Variants in ZRSR2 observed in about 807,000 individuals in gnomAD.
The protein encoded by ZRSR2 is zinc finger CCCH-type, RNA binding motif and serine/arginine rich 2, also known as U2 small nuclear ribonucleoprotein auxiliary factor 35 kDa subunit-related protein 2.
ZRSR2 carries 3 observed loss-of-function variants against 39.4 expected under a neutral mutation model. The observed-to-expected ratio is 0.08, with a 90% confidence interval of 0.03 to 0.20. The LOEUF is 0.20. ZRSR2 is among the 10% of genes least tolerant of loss of function. The probability of loss-of-function intolerance (pLI) is 1.00; values close to 1 mark genes in which losing one functional copy is unlikely to be tolerated. For synonymous variants in ZRSR2, 137 were observed against 136.0 expected (o/e 1.01, Z -0.05); for missense variants, 256 against 391.5 (o/e 0.65, Z 2.92).
At chrX:15,815,994 A>G in intron 8 of ZRSR2, 104 bp downstream of exon 8, 1 of 626,477 alleles carries the variant, frequency 1.6e-6, no homozygotes, top group Non-Finnish European at 2.4e-6. Flanking sequence ...GCACGCTAGC[A>G]CTCTATAAAT....
chrX:15,803,553 C>G, intron 3 of ZRSR2, 135 bp from the exon 4 acceptor site: 1 of 847,558 alleles, frequency 1.2e-6, no homozygotes, highest in Non-Finnish European at 1.6e-6. Flanking sequence ...CTTACACCCA[C>G]TTGACTGCTT....
Position 15,799,885 on chromosome X carries a change from G to T in ZRSR2, c.135G>T (p.Lys45Asn). 1 of 1,196,278 alleles carries T rather than the reference G, an allele frequency of 8.4e-7. No individual in the cohort carries two copies. The highest frequency in any genetic ancestry group is 1.8e-5 in the South Asian group (1 of 55,435). ...TAAATTCCCTAGGACTCTCACAGAAGGAGGAAGAGGAGGACACTTTTATTG... is the reference window on the plus strand; with the variant it reads ...TAAATTCCCTAGGACTCTCACAGAATGAGGAAGAGGAGGACACTTTTATTG... ...ARLRDSGLSQ[K>N]EEEEDTFIEE... Residue 45 changes from lysine to asparagine, a missense_variant, in exon 3 of 11, where the codon AAG (lysine) becomes AAT (asparagine). Transcript: ENST00000307771.
intron 7 of ZRSR2, among the ~76,000 whole-genome samples, chrX:15,810,427 A>G (rs760054697): frequency 9.8e-5 from 11 of 111,684 alleles, no homozygotes; most frequent in Non-Finnish European, 2.1e-4. Flanking sequence ...TAACCTTAAC[A>G]TCCTATTAAT....
At chrX:15,809,652 T>G (rs1390743492) in intron 7 of ZRSR2, among the ~76,000 whole-genome samples, 1 of 111,831 alleles carries the variant, frequency 8.9e-6, no homozygotes, top group African/African-American at 3.3e-5. Context: ...ATAATATATT[T>G]GAAGAGCTTA....
intron 1 of ZRSR2, 72 bp downstream of exon 1, chrX:15,790,608 A>G (rs746744302): frequency 2.4e-5 from 27 of 1,128,886 alleles, no homozygotes; most frequent in East Asian, 3.3e-5. Flanking sequence ...TGGCAGGAAG[A>G]AAAGAGAAGC....
At position 15,823,228 on chromosome X, in the gene ZRSR2, C is replaced by T; in HGVS notation, c.1435C>T (p.Pro479Ser). ...TAATAGAGACAGAACTGTTCAGAGT[C>T]CCAAATCCAAATAAACTAGTTTTGT... ...SGNRDRTVQS[P>S]KSK The change falls in exon 11 of 11, where the codon CCC (proline) becomes TCC (serine). Residue 479 changes from proline (P) to serine (S), a missense_variant. Around this residue, in one of 3 missense-constraint regions of ZRSR2, gnomAD observed 111 missense variants for 116.7 expected, o/e 0.95. Transcript: ENST00000307771. 8.7e-7 allele frequency: 1 copy of T among 1,153,003 alleles called. No individual in the cohort carries two copies. Among genetic ancestry groups the T allele is most frequent in the Non-Finnish European group, 1.2e-6 (1 of 868,891 alleles).
intron 3 of ZRSR2, 63 bp from the exon 4 acceptor site, chrX:15,803,625 G>T (rs1932741205): frequency 3.5e-6 from 4 of 1,138,220 alleles, no homozygotes; most frequent in East Asian, 3.3e-5. Flanking sequence ...TTGCTCTCGT[G>T]TGTGTGTGTA....
chrX:15,809,171 A>C, intron 6 of ZRSR2, 29 bp from the exon 7 acceptor site: 2 of 1,036,311 alleles, frequency 1.9e-6, no homozygotes, highest in Non-Finnish European at 2.7e-6. Flanking sequence ...TTTTTACTCC[A>C]CCAGTAAAGT....
intron 2 of ZRSR2, 88 bp downstream of exon 2, chrX:15,791,101 T>C (rs1932261340): frequency 1.2e-6 from 1 of 829,783 alleles, no homozygotes; most frequent in Admixed American, 2.7e-5. Context: ...CAGAAGGAAG[T>C]CAAATATTGT....
intron 2 of ZRSR2, 40 bp downstream of exon 2, chrX:15,791,053 G>C (rs1932259439): frequency 8.8e-7 from 1 of 1,135,949 alleles, no homozygotes. Flanking sequence ...TTGTGAAATT[G>C]CTCTGTCCAC....
chrX:15,799,900 C>T lies in ZRSR2; in HGVS notation c.150C>T (p.Asp50=). Residue 50 remains aspartate (D), a synonymous_variant, in exon 3 of 11, where the codon GAC becomes GAT. Transcript: ENST00000307771. ...SGLSQKEEEE[D]TFIEEQQLEE... is the part of the protein sequence containing the mutation. ...TCTCACAGAAGGAGGAAGAGGAGGA[C>T]ACTTTTATTGAAGAACAACAACTAG... 1 of 1,203,576 alleles carries T rather than the reference C, an allele frequency of 8.3e-7. No individual in the cohort carries two copies. Among genetic ancestry groups the T allele is most frequent in the Non-Finnish European group, 1.1e-6 (1 of 889,902 alleles).
intron 4 of ZRSR2, 59 bp downstream of exon 4, chrX:15,803,855 A>T: frequency 8.6e-7 from 1 of 1,156,163 alleles, no homozygotes. Context: ...AATAACTCTC[A>T]TGAAGAGTTG....
At chrX:15,803,550 C>T in intron 3 of ZRSR2, 138 bp from the exon 4 acceptor site, 2 of 785,076 alleles carry the variant, frequency 2.5e-6, no homozygotes, top group Non-Finnish European at 3.6e-6. Context: ...TCTCTTACAC[C>T]CACTTGACTG....
chrX:15,799,773 A>C, intron 2 of ZRSR2, 99 bp from the exon 3 acceptor site: 1 of 511,982 alleles, frequency 2.0e-6, no homozygotes, highest in Non-Finnish European at 3.1e-6. Context: ...AAAGATTTTT[A>C]CCATAATTTT....
chrX:15,816,738 G>A (rs1424097571), intron 8 of ZRSR2, among the ~76,000 whole-genome samples: 1 of 111,477 alleles, frequency 9.0e-6, no homozygotes, highest in Non-Finnish European at 1.9e-5. Context: ...GAATAGAACC[G>A]TGATTTTTTT....
At position 15,797,036 on chromosome X, in the gene ZRSR2, C is replaced by T. The variant is rs1020242909; in HGVS notation, c.122-2836C>T. Among the ~76,000 whole-genome samples the T allele has an allele frequency of 7.4e-5, 8 of 108,144 alleles. No homozygotes were observed. In the East Asian group the frequency reaches 8.7e-4, roughly 12 times the overall value. 93.9% of individuals were successfully genotyped at this position (108,144 alleles called of 115,157 possible). A position where few individuals can be genotyped will look rare whatever the true frequency, so the allele number is the denominator to read the frequency against. On this transcript the variant is annotated intron_variant, in intron 2 of 10. Coordinates refer to ENST00000307771, the MANE Select transcript of ZRSR2 (RefSeq NM_005089.4). ...CTCGATCTCCTGACCTCAAGTAATC[C>T]GTCCACCTCGGCCTCCGAAAGTGCT...
intron 7 of ZRSR2, among the ~76,000 whole-genome samples, chrX:15,812,090 T>C (rs369215052): frequency 1.5e-4 from 17 of 109,972 alleles, no homozygotes; most frequent in East Asian, 1.2e-3. Context: ...CCACCACGCC[T>C]GGCTAATTTT....
intron 7 of ZRSR2, among the ~76,000 whole-genome samples, 199 bp downstream of exon 7, chrX:15,809,517 TGGGTG>T (rs1932848784): frequency 8.9e-6 from 1 of 112,719 alleles, no homozygotes; most frequent in South Asian, 3.6e-4. Flanking sequence ...CCTTGTTCCC[TGGGTG>T]GGCTTAGCCT....
chrX:15,822,642 A>G, intron 10 of ZRSR2, 89 bp from the exon 11 acceptor site: 1 of 1,187,370 alleles, frequency 8.4e-7, no homozygotes, highest in Non-Finnish European at 1.1e-6. Context: ...AGCATATCCA[A>G]ATATCAGAAA....
Sources: gnomAD v4.1 joint callset for allele counts (sites outside exome capture counted in the v4.1 genomes callset) on GRCh38, gnomAD v4.1.1 for gene constraint, gnomAD v4.1.1 regional missense constraint, MANE v1.5 for transcripts, NCBI Gene and HGNC (gene_info 2026-07-23, HGNC 2026-07-21) for gene names.